The following PACRGL variants were observed in gnomAD, a reference collection of about 807,000 sequenced individuals.
PACRGL encodes the protein PACRG-like protein.
In PACRGL, 38 loss-of-function variants were observed where a neutral mutation model predicts 34.5. The ratio of observed to expected loss-of-function variants is 1.10; its 90% confidence interval spans 0.85 to 1.44. PACRGL has a LOEUF of 1.44. PACRGL is among the 40% of genes most tolerant of loss of function. PACRGL has a pLI of 0.00. For missense variants in PACRGL, 305 were observed against 281.4 expected (o/e 1.08, Z -0.60); for synonymous variants, 128 against 100.1 (o/e 1.28, Z -1.66).
the PACRGL span, among the ~76,000 whole-genome samples, chr4:20,763,001 C>T: frequency 6.6e-6 from 1 of 152,072 alleles, no homozygotes; most frequent in Non-Finnish European, 1.5e-5. Context: ...CTTATAAAAC[C>T]ATCATAACTC....
chr4:20,707,281 A>G (rs529710395), intron 3 of PACRGL, among the ~76,000 whole-genome samples: 3 of 152,176 alleles, frequency 2.0e-5, no homozygotes, highest in Admixed American at 2.0e-4. Context: ...CTGAAAGGTT[A>G]TGAAGTTATA....
chr4:20,765,971 G>A, the PACRGL span, among the ~76,000 whole-genome samples: 1 of 152,058 alleles, frequency 6.6e-6, no homozygotes, highest in Non-Finnish European at 1.5e-5. Flanking sequence ...TAATAAGGCA[G>A]TATTACTATT....
chr4:20,699,128 T>A (rs1419616248), upstream of PACRGL, among the ~76,000 whole-genome samples: 1 of 152,142 alleles, frequency 6.6e-6, no homozygotes, highest in African/African-American at 2.4e-5. Context: ...AGTCTGACAC[T>A]GGAGATGCTA....
chr4:20,743,024 T>C (rs1004098690), intron 8 of PACRGL, among the ~76,000 whole-genome samples: 8 of 99,208 alleles, frequency 8.1e-5, no homozygotes, highest in Non-Finnish European at 1.2e-4. Flanking sequence ...GAAGGACCCT[T>C]ATAAGGGTGT....
At chr4:20,747,152 A>C (rs1752563300) in intron 8 of PACRGL, among the ~76,000 whole-genome samples, 1 of 152,202 alleles carries the variant, frequency 6.6e-6, no homozygotes, top group Non-Finnish European at 1.5e-5. Flanking sequence ...ATTTTACATA[A>C]ATATTATAAA....
In PACRGL at chr4:20,732,027, C is replaced by T. The variant is rs772423801; in HGVS notation, c.*4686C>T. On this transcript the variant is annotated 3_prime_UTR_variant, in exon 9 of 9. Transcript: ENST00000503585. ...TTACTTTTTGGCAGCTTTCAATGAA[C>T]TCATCTATGGTAACAACCCCATCTT... is the stretch of plus-strand genomic sequence containing the variant. The T allele has an allele frequency of 2.2e-5, 36 of 1,613,382 alleles. No individual in the cohort carries two copies. The Admixed American group carries it at 4.7e-4, about 21-fold the overall frequency.
Position 20,724,975 on chromosome 4 carries a change from A to G in PACRGL, c.690+87A>G, listed in dbSNP as rs560575267. On this transcript the variant is annotated intron_variant, in intron 8 of 8. Transcript: ENST00000503585. Reference sequence around the variant, plus strand: ...CATATATATATATTTAACATATACTATCTCATTTCAGCCACAGGTAACTAT... The same window carrying G: ...CATATATATATATTTAACATATACTGTCTCATTTCAGCCACAGGTAACTAT... 13 of 698,794 alleles carry G rather than the reference A, an allele frequency of 1.9e-5. No homozygotes were observed. The South Asian group carries it at 4.3e-4, about 23-fold the overall frequency. 43.3% of individuals were successfully genotyped at this position (698,794 alleles called of 1,614,324 possible). A position where few individuals can be genotyped will look rare whatever the true frequency, so the allele number is the denominator to read the frequency against.
chr4:20,749,454 C>T (rs1053597859), intron 8 of PACRGL, among the ~76,000 whole-genome samples: 3 of 151,988 alleles, frequency 2.0e-5, no homozygotes, highest in Non-Finnish European at 4.4e-5. Context: ...TTGTATGAGC[C>T]GATATAAAGC....
chr4:20,724,169 C>T (rs187683979), intron 7 of PACRGL, among the ~76,000 whole-genome samples: 1 of 152,150 alleles, frequency 6.6e-6, no homozygotes, highest in Admixed American at 6.5e-5. Flanking sequence ...AATAAATCAC[C>T]TGAAAATCTT....
At position 20,728,565 on chromosome 4, in the gene PACRGL, T is replaced by TAATTA. The variant is rs1166469397; in HGVS notation, c.*1225_*1229dup. 1 of 152,522 alleles carries TAATTA rather than the reference T, an allele frequency of 6.6e-6. No individual in the cohort carries two copies. Among genetic ancestry groups the TAATTA allele is most frequent in the Non-Finnish European group, 1.5e-5 (1 of 68,022 alleles). 9.4% of individuals were successfully genotyped at this position (152,522 alleles called of 1,614,324 possible). ...TCTAGAAAGTACTGTAAGATTTAAT[T>TAATTA]AATTACAAAATTTCTTGGAAAAGAC... On this transcript the variant is annotated 3_prime_UTR_variant, in exon 9 of 9. Coordinates refer to ENST00000503585, the MANE Select transcript of PACRGL (RefSeq NM_001258345.3).
chr4:20,720,585 A>G (rs1272392531), intron 7 of PACRGL, among the ~76,000 whole-genome samples: 3 of 152,124 alleles, frequency 2.0e-5, no homozygotes, highest in Non-Finnish European at 4.4e-5. Context: ...TCGCTTATGA[A>G]GCTTAGTTTG....
At chr4:20,762,568 T>A in the PACRGL span, among the ~76,000 whole-genome samples, 20 of 152,242 alleles carry the variant, frequency 1.3e-4, no homozygotes, top group Non-Finnish European at 2.8e-4. Flanking sequence ...TGCAGTGATC[T>A]CTCCATAAAA....
chr4:20,738,129 CAAA>C (rs200429048), intron 8 of PACRGL, among the ~76,000 whole-genome samples: 1 of 115,588 alleles, frequency 8.7e-6, no homozygotes, highest in Non-Finnish European at 1.9e-5. Flanking sequence ...GACTCTGTCT[CAAA>C]AAAAAAAAAA....
At chr4:20,747,977 C>A (rs1342953696) in intron 8 of PACRGL, among the ~76,000 whole-genome samples, 4 of 152,160 alleles carry the variant, frequency 2.6e-5, no homozygotes, top group Admixed American at 1.3e-4. Flanking sequence ...GTTTTAATTT[C>A]TTTTGAATTT....
intron 8 of PACRGL, among the ~76,000 whole-genome samples, chr4:20,742,695 G>A (rs956203582): frequency 6.6e-6 from 1 of 152,140 alleles, no homozygotes; most frequent in East Asian, 1.9e-4. Context: ...ATTCAACATA[G>A]TGTTGGAAGT....
At position 20,727,954 on chromosome 4, in the gene PACRGL, A is replaced by AAT. The variant is rs1746450393; in HGVS notation, c.*614_*615dup. 6.6e-6 allele frequency: 1 copy of AAT among 152,126 alleles called. No homozygotes were observed. The highest frequency in any genetic ancestry group is 6.6e-5 in the Admixed American group (1 of 15,242). The allele number at this position is 152,126 out of a possible 1,614,324, so 9.4% of individuals were successfully genotyped here. A position where few individuals can be genotyped will look rare whatever the true frequency, so the allele number is the denominator to read the frequency against. On this transcript the variant is annotated 3_prime_UTR_variant, in exon 9 of 9. Transcript: ENST00000503585. ...TAGGCGTGTGCCACCATGCCCAGCTAATTTTGAAATTTGCTTGTAGAGATG... is the reference window on the plus strand; with the variant it reads ...TAGGCGTGTGCCACCATGCCCAGCTAATATTTTGAAATTTGCTTGTAGAGATG...
At chr4:20,714,285 T>C (rs1184911884) in intron 7 of PACRGL, among the ~76,000 whole-genome samples, 3 of 152,164 alleles carry the variant, frequency 2.0e-5, no homozygotes, top group African/African-American at 7.2e-5. Flanking sequence ...TCTTTGTTGG[T>C]TTAAAGTCTG....
chr4:20,731,021 AAG>A lies in PACRGL; in HGVS notation c.*3684_*3685del, dbSNP rs758668729. On this transcript the variant is annotated 3_prime_UTR_variant, in exon 9 of 9. Transcript: ENST00000503585. ...AAGTAAGAACAACAATTTAAAAATA[AAG>A]AGAAAAACTAAAGAAACAACGGATT... 7.9e-5 allele frequency among the ~76,000 whole-genome samples: 12 copies of A among 152,212 alleles called. No homozygotes were observed. Among genetic ancestry groups the A allele is most frequent in the Non-Finnish European group, 1.5e-4 (10 of 68,042 alleles).
Position 20,700,675 on chromosome 4 carries a change from G to C in PACRGL, c.-129G>C, listed in dbSNP as rs1002350093. 1 of 152,184 alleles carries C rather than the reference G, an allele frequency of 6.6e-6. No individual in the cohort carries two copies. The highest frequency in any genetic ancestry group is 6.5e-5 in the Admixed American group (1 of 15,282). The allele number at this position is 152,184 out of a possible 1,614,324, so 9.4% of individuals were successfully genotyped here. ...TGCTTCCTGATCTGTTGCTAGGGCCGCTGGACCCCGTTGCTAAGGACCCTT... is the reference window on the plus strand; with the variant it reads ...TGCTTCCTGATCTGTTGCTAGGGCCCCTGGACCCCGTTGCTAAGGACCCTT... On this transcript the variant is annotated 5_prime_UTR_variant, in exon 1 of 9. Coordinates refer to ENST00000503585, the MANE Select transcript of PACRGL (RefSeq NM_001258345.3).
Sources: gnomAD v4.1 joint callset for allele counts (sites outside exome capture counted in the v4.1 genomes callset) on GRCh38, gnomAD v4.1.1 for gene constraint, MANE v1.5 for transcripts, NCBI Gene and HGNC (gene_info 2026-07-23, HGNC 2026-07-21) for gene names.